The following MRAS variants were observed in gnomAD, a reference collection of about 807,000 sequenced individuals.
MRAS encodes the protein muscle RAS oncogene homolog, also known as ras-related protein M-Ras.
In MRAS, 4 loss-of-function variants were observed where a neutral mutation model predicts 20.9. The observed-to-expected ratio is 0.19, with a 90% CI of 0.09 to 0.44. The LOEUF (loss-of-function observed/expected upper bound fraction) is 0.44. MRAS is among the 20% of genes least tolerant of loss of function. MRAS has a pLI of 0.99. For synonymous variants in MRAS, 98 were observed against 102.9 expected (o/e 0.95, Z 0.29); for missense variants, 154 against 277.5 (o/e 0.56, Z 3.16).
chr3:138,367,878 C>A (rs2054595574), intron 1 of MRAS, among the ~76,000 whole-genome samples: 1 of 152,218 alleles, frequency 6.6e-6, no homozygotes, highest in South Asian at 2.1e-4. Flanking sequence ...CAGACAACAG[C>A]CAAAAGAGCT....
chr3:138,349,359 A>C (rs2054180887), intron 1 of MRAS: 1 of 152,570 alleles, frequency 6.6e-6, no homozygotes, highest in African/African-American at 2.4e-5. Context: ...AGACAAGAGC[A>C]CAAAGTGACA....
chr3:138,355,934 T>G (rs1469262418), intron 1 of MRAS, among the ~76,000 whole-genome samples: 1 of 151,952 alleles, frequency 6.6e-6, no homozygotes, highest in Non-Finnish European at 1.5e-5. Context: ...TCTCAAAGAA[T>G]AAAAATAAAA....
intron 1 of MRAS, among the ~76,000 whole-genome samples, chr3:138,353,259 A>G (rs1191984363): frequency 6.6e-6 from 1 of 152,142 alleles, no homozygotes; most frequent in Non-Finnish European, 1.5e-5. Context: ...TTTAAGTAAA[A>G]AAAAAGAAAA....
intron 1 of MRAS, among the ~76,000 whole-genome samples, chr3:138,351,352 T>C (rs1313427276): frequency 6.6e-6 from 1 of 152,190 alleles, no homozygotes; most frequent in East Asian, 1.9e-4. Context: ...AGGATGTGCA[T>C]TGAGTTCCAG....
chr3:138,400,785 C>T (rs1202034308), intron 5 of MRAS, among the ~76,000 whole-genome samples, 172 bp downstream of exon 5: 1 of 152,286 alleles, frequency 6.6e-6, no homozygotes, highest in African/African-American at 2.4e-5. Context: ...GCTTTTTCCA[C>T]CTACCTCTGC....
At chr3:138,375,830 T>G (rs1356821172) in intron 2 of MRAS, among the ~76,000 whole-genome samples, 85 of 152,212 alleles carry the variant, frequency 5.6e-4, no homozygotes, top group Admixed American at 5.6e-3. Context: ...GAGACTTGCC[T>G]GGGCAACGTG....
chr3:138,397,620 A>C, intron 3 of MRAS, 143 bp downstream of exon 3: 1 of 965,784 alleles, frequency 1.0e-6, no homozygotes, highest in Non-Finnish European at 1.5e-6. Context: ...TGGAGTAATT[A>C]AATCATTTGA....
In MRAS at chr3:138,402,213, A is replaced by G; in HGVS notation, c.571A>G (p.Lys191Glu). The G allele has an allele frequency of 1.2e-6, 2 of 1,614,262 alleles. No homozygotes were observed. The highest frequency in any genetic ancestry group is 1.7e-6 in the Non-Finnish European group (2 of 1,180,052). ...EKSQKKKKKT[K>E]WRGDRATGTH... ...AAGCCAGAAGAAGAAGAAGAAAACC[A>G]AATGGCGGGGAGACCGGGCCACAGG... Residue 191 changes from lysine (K) to glutamate (E), a missense_variant, in exon 6 of 6, where the codon AAA (lysine) becomes GAA (glutamate). By Grantham distance (56) the Lys-to-Glu change is moderately conservative. Transcript: ENST00000423968.
In MRAS at chr3:138,402,405, G is replaced by C. The variant is rs1213019121; in HGVS notation, c.*136G>C. On this transcript the variant is annotated 3_prime_UTR_variant, in exon 6 of 6. Transcript: ENST00000423968. ...GGTACAGGAAGGGAGAAGGGCAGGTGGGCAGGGAGCAGACAGGGTCTGGCT... is the reference window on the plus strand; with the variant it reads ...GGTACAGGAAGGGAGAAGGGCAGGTCGGCAGGGAGCAGACAGGGTCTGGCT... The C allele has an allele frequency of 2.6e-6, 2 of 764,964 alleles. No homozygotes were observed. Among genetic ancestry groups the C allele is most frequent in the Non-Finnish European group, 2.1e-6 (1 of 472,100 alleles). 47.4% of individuals were successfully genotyped at this position (764,964 alleles called of 1,614,324 possible).
chr3:138,384,323 A>G (rs912848113), intron 2 of MRAS, among the ~76,000 whole-genome samples: 4 of 152,192 alleles, frequency 2.6e-5, no homozygotes, highest in African/African-American at 9.6e-5. Context: ...CAGAGGAACC[A>G]TGGCAGAATC....
chr3:138,386,785 A>G (rs1007702184), intron 2 of MRAS, among the ~76,000 whole-genome samples: 24 of 152,184 alleles, frequency 1.6e-4, no homozygotes, highest in Admixed American at 7.2e-4. Flanking sequence ...GTTCGGCCAT[A>G]TACTACATTT....
intron 2 of MRAS, among the ~76,000 whole-genome samples, chr3:138,380,586 T>C (rs1041028760): frequency 4.6e-5 from 7 of 151,842 alleles, no homozygotes; most frequent in African/African-American, 1.7e-4. Flanking sequence ...GCTGGGATTA[T>C]AGGCGTGAGC....
intron 1 of MRAS, among the ~76,000 whole-genome samples, chr3:138,372,310 A>G (rs1176790053): frequency 6.6e-6 from 1 of 152,278 alleles, no homozygotes; most frequent in East Asian, 1.9e-4. Context: ...GACTTTGTGT[A>G]TAATACAGGG....
intron 2 of MRAS, among the ~76,000 whole-genome samples, chr3:138,395,006 C>T (rs1399870729): frequency 6.6e-6 from 1 of 152,044 alleles, no homozygotes; most frequent in Non-Finnish European, 1.5e-5. Flanking sequence ...TTCAAGATGT[C>T]CTCTAGAGCA....
intron 1 of MRAS, among the ~76,000 whole-genome samples, chr3:138,370,598 T>C (rs1433430269): frequency 6.6e-6 from 1 of 152,102 alleles, no homozygotes; most frequent in Admixed American, 6.6e-5. Flanking sequence ...TGTAGGGAGA[T>C]GCTGGAACCA....
In MRAS at chr3:138,393,288, C is replaced by T. The variant is rs74533785; in HGVS notation, c.194-4036C>T. ...CTGTGTTGCCCAGGCTGGTCTCAAACTCCCGGCCTAAAACTATCCTCCTAC... is the reference window on the plus strand; with the variant it reads ...CTGTGTTGCCCAGGCTGGTCTCAAATTCCCGGCCTAAAACTATCCTCCTAC... On this transcript the variant is annotated intron_variant, in intron 2 of 5. Coordinates refer to ENST00000423968, the MANE Select transcript of MRAS (RefSeq NM_001085049.3). 7.1e-3 allele frequency among the ~76,000 whole-genome samples: 1,084 copies of T among 152,312 alleles called. 9 individuals are homozygous for T. The highest frequency in any genetic ancestry group is 0.024 in the African/African-American group (1,012 of 41,554).
intron 2 of MRAS, among the ~76,000 whole-genome samples, chr3:138,374,364 T>A (rs2054739906): frequency 1.3e-5 from 2 of 152,214 alleles, no homozygotes; most frequent in Non-Finnish European, 2.9e-5. Context: ...TTTGGTTTTT[T>A]ATTTCAATTT....
Position 138,377,177 on chromosome 3 carries a change from T to C in MRAS, c.193+4101T>C, listed in dbSNP as rs139057792. On this transcript the variant is annotated intron_variant, in intron 2 of 5. Transcript: ENST00000423968. The stretch of plus-strand genomic sequence containing the variant: ...TCTCCATGGCATTACTTTAGAAGAA[T>C]GAGTTTGTTAAGCTTCTAATTCTGC... Among the ~76,000 whole-genome samples the C allele has an allele frequency of 2.0e-5, 3 of 152,362 alleles. No homozygotes were observed. In the South Asian group the frequency reaches 6.2e-4, roughly 32 times the overall value.
intron 2 of MRAS, 99 bp from the exon 3 acceptor site, chr3:138,397,225 A>C: frequency 7.0e-7 from 1 of 1,435,372 alleles, no homozygotes; most frequent in East Asian, 2.4e-5. Context: ...GGACTGGGCC[A>C]CGGTAGGGAC....
Sources: allele counts gnomAD v4.1 joint callset (sites outside exome capture counted in the v4.1 genomes callset), GRCh38; gene constraint gnomAD v4.1.1; transcripts MANE v1.5; gene names NCBI Gene and HGNC (gene_info 2026-07-23, HGNC 2026-07-21).